Variants in DCHS1 observed in about 807,000 individuals in gnomAD.
DCHS1 encodes the protein protocadherin-16.
DCHS1 carries 78 observed loss-of-function variants against 213.9 expected under a neutral mutation model. The observed-to-expected ratio is 0.36, with a 90% confidence interval of 0.30 to 0.44. DCHS1 has a LOEUF of 0.44. Among genes scored for constraint, DCHS1 ranks in the 20% least tolerant of loss-of-function variants. The pLI is 1.00. For synonymous variants in DCHS1, 1,828 were observed against 1,873.7 expected (o/e 0.98, Z 0.63); for missense variants, 3,946 against 4,395.9 (o/e 0.90, Z 2.89).
In DCHS1 at chr11:6,632,003, G is replaced by A; in HGVS notation, c.3481+28C>T. 1.3e-6 allele frequency: 2 copies of A among 1,495,928 alleles called. No individual in the cohort carries two copies. The highest frequency in any genetic ancestry group is 1.8e-6 in the Non-Finnish European group (2 of 1,127,178). 92.7% of individuals were successfully genotyped at this position (1,495,928 alleles called of 1,614,324 possible). On this transcript the variant is annotated intron_variant, in intron 6 of 20. Transcript: ENST00000299441. This position sits in a 1 kb window ranked among gnomAD's most constrained non-coding sequence, Gnocchi z 5.9. ...ACCAGGCTGGGGATAAGGCTATGCG[G>A]TCTCAGGATTTGGGTCTCTGTGCTC...
Position 6,623,466 on chromosome 11 carries a change from G to A in DCHS1, c.8210C>T (p.Ala2737Val). Residue 2737 changes from alanine (A) to valine (V), a missense_variant, in exon 21 of 21, where the codon GCT becomes GTT. By Grantham distance (64) the Ala-to-Val change is moderately conservative. Coordinates refer to ENST00000299441, the MANE Select transcript of DCHS1 (RefSeq NM_003737.4). ...TLHAIDGDAG[A>V]FGRLRYSLLE... ...CAGGCTGTAACGGAGCCTCCCAAAA[G>A]CCCCAGCATCCCCGTCGATTGCATG... is the stretch of plus-strand genomic sequence containing the variant. The A allele has an allele frequency of 6.3e-7, 1 of 1,582,258 alleles. No homozygotes were observed. Among genetic ancestry groups the A allele is most frequent in the East Asian group, 2.3e-5 (1 of 42,856 alleles).
Position 6,624,801 on chromosome 11 carries a change from G to A in DCHS1, c.7214C>T (p.Ser2405Leu). ...GTAGGAAATGTGACCGTTGGCACCT[G>A]AGTCCCGATCAGTGGCAGAGACGGA... is the stretch of plus-strand genomic sequence containing the variant. The part of the protein sequence containing the change: ...ILSVSATDRD[S>L]GANGHISYHL... The change falls in exon 20 of 21, where the codon TCA (serine) becomes TTA (leucine). Residue 2405 changes from serine (S) to leucine (L), a missense_variant. Coordinates refer to ENST00000299441, the MANE Select transcript of DCHS1 (RefSeq NM_003737.4). 1 of 1,613,918 alleles carries A rather than the reference G, an allele frequency of 6.2e-7. No individual in the cohort carries two copies. The highest frequency in any genetic ancestry group is 8.5e-7 in the Non-Finnish European group (1 of 1,179,850).
At position 6,641,003 on chromosome 11, in the gene DCHS1, A is replaced by G. The variant is rs1199873442; in HGVS notation, c.611T>C (p.Val204Ala). 6.2e-7 allele frequency: 1 copy of G among 1,613,844 alleles called. No individual in the cohort carries two copies. The highest frequency in any genetic ancestry group is 8.5e-7 in the Non-Finnish European group (1 of 1,179,900). Residue 204 changes from valine to alanine, a missense_variant, in exon 2 of 21, where the codon GTA (valine) becomes GCA (alanine). This residue lies in a region of DCHS1 where 3,384 missense variants were observed against 3,780.1 expected (regional missense o/e 0.90). Transcript: ENST00000299441. The surrounding 1 kb of genome is among the most constrained non-coding windows in gnomAD (Gnocchi z 7.1). ...TTCCCCAGTAACTACCAGCTCAGGT[A>G]CTGGAGTCCCATCTGGACCGGGGCG... ...ETRPGPDGTP[V>A]PELVVTGELD...
At chr11:6,643,098 G>A (rs975454767) in intron 1 of DCHS1, among the ~76,000 whole-genome samples, 9 of 152,150 alleles carry the variant, frequency 5.9e-5, no homozygotes, top group Non-Finnish European at 1.0e-4. Flanking sequence ...AGAAAAAGAG[G>A]CGGGGCAAGG....
In DCHS1 at chr11:6,641,385, T is replaced by C. The variant is rs768049079; in HGVS notation, c.229A>G (p.Met77Val). 1 of 1,613,098 alleles carries C rather than the reference T, an allele frequency of 6.2e-7. No individual in the cohort carries two copies. The highest frequency in any genetic ancestry group is 1.3e-5 in the African/African-American group (1 of 74,930). ...GLPAGTAAPL[M>V]YFISAQEGSG... ...CCCTCTTGGGCAGAGATGAAGTACA[T>C]GAGAGGAGCTGCCGTGCCTGCCGGA... Residue 77 changes from methionine to valine, a missense_variant, in exon 2 of 21, where the codon ATG (methionine) becomes GTG (valine). Around this residue, in one of 3 missense-constraint regions of DCHS1, gnomAD observed 3,384 missense variants for 3,780.1 expected, o/e 0.90. Coordinates refer to ENST00000299441, the MANE Select transcript of DCHS1 (RefSeq NM_003737.4). This position sits in a 1 kb window ranked among gnomAD's most constrained non-coding sequence, Gnocchi z 7.1.
rs1195662828 is a variant in DCHS1, at chr11:6,622,227, A to G, written c.9449T>C (p.Ile3150Thr). The change falls in exon 21 of 21, where the codon ATT becomes ACT. Residue 3150 changes from isoleucine to threonine, a missense_variant. Physicochemically the swap from Ile to Thr is moderately conservative, Grantham distance 89. Around this residue, in one of 3 missense-constraint regions of DCHS1, gnomAD observed 554 missense variants for 590.2 expected, o/e 0.94. Transcript: ENST00000299441. This position sits in a 1 kb window ranked among gnomAD's most constrained non-coding sequence, Gnocchi z 5.4. ...KPCVAGALTAIVAGEEELRGS... is the reference protein window; with the variant it reads ...KPCVAGALTATVAGEEELRGS... ...ACGGAGCTCCTCCTCGCCGGCCACAATGGCTGTCAGCGCACCTGCCACACA... is the reference window on the plus strand; with the variant it reads ...ACGGAGCTCCTCCTCGCCGGCCACAGTGGCTGTCAGCGCACCTGCCACACA... 4.4e-6 allele frequency: 7 copies of G among 1,601,860 alleles called. No individual in the cohort carries two copies. The highest frequency in any genetic ancestry group is 1.7e-5 in the Admixed American group (1 of 58,688).
At chr11:6,655,423 C>A (rs1856300717) in intron 1 of DCHS1, 140 bp downstream of exon 1, 5 of 465,854 alleles carry the variant, frequency 1.1e-5, no homozygotes, top group Non-Finnish European at 1.4e-5. Flanking sequence ...CGCCCGGGTC[C>A]CGCAGGCCCA....
rs145099391 is a variant in DCHS1 at position 6,641,024 on chromosome 11, G to C, written c.590C>G (p.Pro197Arg). The C allele has an allele frequency of 1.9e-6, 3 of 1,613,978 alleles. No individual in the cohort carries two copies. Among genetic ancestry groups the C allele is most frequent in the Non-Finnish European group, 1.7e-6 (2 of 1,179,894 alleles). ...AGETFRLETR[P>R]GPDGTPVPEL... ...AGGTACTGGAGTCCCATCTGGACCG[G>C]GGCGTGTCTCCAGCCGGAAGGTCTC... Residue 197 changes from proline (P) to arginine (R), a missense_variant, in exon 2 of 21, where the codon CCC (proline) becomes CGC (arginine). Transcript: ENST00000299441. This position sits in a 1 kb window ranked among gnomAD's most constrained non-coding sequence, Gnocchi z 7.1.
rs372962312 is a variant in DCHS1 at position 6,625,457 on chromosome 11, G to A, written c.6887C>T (p.Ala2296Val). Residue 2296 changes from alanine to valine, a missense_variant, in exon 19 of 21, where the codon GCA (alanine) becomes GTA (valine). By Grantham distance (64) the Ala-to-Val change is moderately conservative. This residue lies in a region of DCHS1 where 3,384 missense variants were observed against 3,780.1 expected (regional missense o/e 0.90). Coordinates refer to ENST00000299441, the MANE Select transcript of DCHS1 (RefSeq NM_003737.4). This position sits in a 1 kb window ranked among gnomAD's most constrained non-coding sequence, Gnocchi z 5.3. The part of the protein sequence containing the change: ...SEDALLGSEI[A>V]QVTGNDVDSG... ...GTCCACATCATTCCCTGTTACCTGT[G>A]CAATCTCTGAGCCCAATAACGCATC... 1.9e-6 allele frequency: 3 copies of A among 1,602,222 alleles called. No homozygotes were observed. In the African/African-American group the frequency reaches 4.0e-5, roughly 22 times the overall value.
rs770679962 is a variant in DCHS1, at chr11:6,624,224, C to A, written c.7452G>T (p.Leu2484Phe). The A allele has an allele frequency of 1.1e-5, 18 of 1,613,286 alleles. 1 individual carries two copies. The South Asian group carries it at 1.9e-4, about 17-fold the overall frequency. The change falls in exon 21 of 21, where the codon TTG becomes TTT. Residue 2484 changes from leucine to phenylalanine, a missense_variant. Physicochemically the swap from Leu to Phe is conservative, Grantham distance 22. Around this residue, in one of 3 missense-constraint regions of DCHS1, gnomAD observed 3,384 missense variants for 3,780.1 expected, o/e 0.90. Coordinates refer to ENST00000299441, the MANE Select transcript of DCHS1 (RefSeq NM_003737.4). ...DQNDHAPSFTLSHYRVAVTED... is the reference protein window; with the variant it reads ...DQNDHAPSFTFSHYRVAVTED... ...CAGTCACAGCCACACGGTAGTGTGA[C>A]AATGTGAAGCTCGGGGCGTGGTCGT...
chr11:6,651,958 T>C (rs989788984), intron 1 of DCHS1, among the ~76,000 whole-genome samples: 3 of 152,146 alleles, frequency 2.0e-5, no homozygotes, highest in Non-Finnish European at 2.9e-5. Context: ...CTGTGAGTCA[T>C]CAGCCTATAG....
At chr11:6,647,612 T>A (rs1856182677) in intron 1 of DCHS1, among the ~76,000 whole-genome samples, 1 of 152,246 alleles carries the variant, frequency 6.6e-6, no homozygotes, top group Non-Finnish European at 1.5e-5. Flanking sequence ...GTATCTCATT[T>A]AATCACCATA....
At chr11:6,633,310 G>T (rs2134632924) in intron 5 of DCHS1, 102 bp downstream of exon 5, 2 of 1,260,126 alleles carry the variant, frequency 1.6e-6, no homozygotes, top group African/African-American at 1.5e-5. Flanking sequence ...TTATACTGGG[G>T]CTATCTGCCC....
At chr11:6,635,893 G>A (rs1176178089) in intron 2 of DCHS1, among the ~76,000 whole-genome samples, 1 of 152,186 alleles carries the variant, frequency 6.6e-6, no homozygotes, top group Non-Finnish European at 1.5e-5. Flanking sequence ...GAATTTCCTG[G>A]CCTGTACAAC....
At position 6,640,098 on chromosome 11, in the gene DCHS1, C is replaced by T. The variant is rs1204350088; in HGVS notation, c.1516G>A (p.Gly506Ser). Reference protein sequence around the residue: ...TARDPDQGTNGQVTYSLAPGA... With the variant: ...TARDPDQGTNSQVTYSLAPGA... ...GGGGCTAGGCTATAAGTGACCTGAC[C>T]ATTGGTGCCTTGGTCAGGATCCCGA... The change falls in exon 2 of 21, where the codon GGT becomes AGT. Residue 506 changes from glycine to serine, a missense_variant. Physicochemically the swap from Gly to Ser is moderately conservative, Grantham distance 56. Transcript: ENST00000299441. This position sits in a 1 kb window ranked among gnomAD's most constrained non-coding sequence, Gnocchi z 6.5. The T allele has an allele frequency of 1.2e-6, 2 of 1,613,772 alleles. No individual in the cohort carries two copies. The highest frequency in any genetic ancestry group is 1.1e-5 in the South Asian group (1 of 91,052).
rs1383821428 is a variant in DCHS1, at chr11:6,626,043, C to T, written c.6608G>A (p.Gly2203Glu). 3.1e-6 allele frequency: 5 copies of T among 1,611,612 alleles called. No individual in the cohort carries two copies. Among genetic ancestry groups the T allele is most frequent in the Non-Finnish European group, 4.2e-6 (5 of 1,178,960 alleles). ...AGCCAGACTGTAGGAAATCTGTCCTCCAGAGCCTTGATCCAGGTCATCCGC... is the reference window on the plus strand; with the variant it reads ...AGCCAGACTGTAGGAAATCTGTCCTTCAGAGCCTTGATCCAGGTCATCCGC... ...VEADDLDQGS[G>E]GQISYSLAAS... The change falls in exon 17 of 21, where the codon GGA (glycine) becomes GAA (glutamate). Residue 2203 changes from glycine (G) to glutamate (E), a missense_variant. Physicochemically the swap from Gly to Glu is moderately conservative, Grantham distance 98. Transcript: ENST00000299441. This position sits in a 1 kb window ranked among gnomAD's most constrained non-coding sequence, Gnocchi z 5.2.
intron 1 of DCHS1, among the ~76,000 whole-genome samples, chr11:6,649,781 G>A (rs1034196602): frequency 6.6e-5 from 10 of 152,088 alleles, no homozygotes; most frequent in African/African-American, 2.2e-4. Flanking sequence ...TGACAATCAG[G>A]GTCTAGGCTG....
chr11:6,637,829 C>T lies in DCHS1; in HGVS notation c.1797+1988G>A, dbSNP rs78835031. ...ACTCCTTAAGATGAGGGGAGTGACGCATTCATGACTGTATTCCGTGTCTCT... is the reference window on the plus strand; with the variant it reads ...ACTCCTTAAGATGAGGGGAGTGACGTATTCATGACTGTATTCCGTGTCTCT... On this transcript the variant is annotated intron_variant, in intron 2 of 20. Coordinates refer to ENST00000299441, the MANE Select transcript of DCHS1 (RefSeq NM_003737.4). Among the ~76,000 whole-genome samples the T allele has an allele frequency of 2.1e-3, 324 of 152,222 alleles. 7 individuals are homozygous for T. In the East Asian group the frequency reaches 0.052, roughly 24 times the overall value.
chr11:6,625,759 A>G lies in DCHS1; in HGVS notation c.6732-32T>C. The G allele has an allele frequency of 6.3e-7, 1 of 1,596,514 alleles. No homozygotes were observed. Among genetic ancestry groups the G allele is most frequent in the Non-Finnish European group, 8.5e-7 (1 of 1,170,566 alleles). On this transcript the variant is annotated intron_variant, in intron 17 of 20. Transcript: ENST00000299441. This position sits in a 1 kb window ranked among gnomAD's most constrained non-coding sequence, Gnocchi z 5.3. ...ACAAAGCACAATCATCGGGTGGGAC[A>G]TGGCAATAAGGGGGAACTCTGGGCA... is the stretch of plus-strand genomic sequence containing the variant.
Sources: allele counts gnomAD v4.1 joint callset (sites outside exome capture counted in the v4.1 genomes callset), GRCh38; gene constraint gnomAD v4.1.1; regional missense constraint gnomAD v4.1.1; non-coding constraint Gnocchi (gnomAD v3.1); transcripts MANE v1.5; gene names NCBI Gene and HGNC (gene_info 2026-07-23, HGNC 2026-07-21).